Variants in KIF1B observed in about 807,000 individuals in gnomAD.
KIF1B encodes kinesin-like protein KIF1B.
KIF1B carries 76 observed loss-of-function variants against 241.9 expected under a neutral mutation model. The observed-to-expected ratio is 0.31, with a 90% CI of 0.26 to 0.38. The LOEUF (loss-of-function observed/expected upper bound fraction) is 0.38, where lower values mean the gene tolerates loss of function less well. KIF1B is among the 10% of genes least tolerant of loss of function. KIF1B has a pLI of 1.00. For missense variants in KIF1B, 1,622 were observed against 2,271.4 expected, an observed-to-expected ratio of 0.71 and a Z score of 5.81; for synonymous variants, 750 against 796.7, an observed-to-expected ratio of 0.94 and a Z score of 0.99.
rs1569940937 is a variant in KIF1B at position 10,379,191 on chromosome 1, T to A, written c.*2604T>A. ...CTGTGACACAGGACGGTGGGAAGCC[T>A]GAGAGAGAGTGAAATTATGTGATAC... On this transcript the variant is annotated 3_prime_UTR_variant, in exon 49 of 49. Coordinates refer to ENST00000676179, the MANE Select transcript of KIF1B (RefSeq NM_001365951.3). 3.0e-5 allele frequency: 7 copies of A among 232,350 alleles called. No homozygotes were observed. In the East Asian group the frequency reaches 4.3e-4, roughly 14 times the overall value. The allele number at this position is 232,350 out of a possible 1,614,324, so 14.4% of individuals were successfully genotyped here. A position where few individuals can be genotyped will look rare whatever the true frequency, so the allele number is the denominator to read the frequency against.
chr1:10,226,145 T>C (rs574168833), intron 1 of KIF1B, among the ~76,000 whole-genome samples: 12 of 152,238 alleles, frequency 7.9e-5, no homozygotes, highest in African/African-American at 2.6e-4. Context: ...AATGGAGAGA[T>C]TTTATAGATA....
intron 22 of KIF1B, chr1:10,304,640 C>T (rs750347440): frequency 6.2e-7 from 1 of 1,613,752 alleles, no homozygotes; most frequent in Admixed American, 1.7e-5. Flanking sequence ...CGAGAAACCA[C>T]AGTATAAATC....
rs1651671330 is a variant in KIF1B at position 10,324,913 on chromosome 1, T to C, written c.2675+18T>C. 6.2e-7 allele frequency: 1 copy of C among 1,613,764 alleles called. No homozygotes were observed. Among genetic ancestry groups the C allele is most frequent in the South Asian group, 1.1e-5 (1 of 91,068 alleles). On this transcript the variant is annotated intron_variant, in intron 26 of 48. Coordinates refer to ENST00000676179, the MANE Select transcript of KIF1B (RefSeq NM_001365951.3). ...GTGGGGAGGTATGTGATGATTTTGT[T>C]GATGTCTTCTTTTAAAATAATGATT...
intron 22 of KIF1B, among the ~76,000 whole-genome samples, chr1:10,315,387 G>A (rs1254951118): frequency 3.3e-5 from 5 of 150,692 alleles, no homozygotes; most frequent in Admixed American, 6.6e-5. Flanking sequence ...TGTTGGCCAG[G>A]CTGGTCTTGA....
intron 22 of KIF1B, among the ~76,000 whole-genome samples, chr1:10,309,676 C>T (rs1650985857): frequency 6.6e-6 from 1 of 151,542 alleles, no homozygotes; most frequent in African/African-American, 2.5e-5. Flanking sequence ...AGTACCCTAG[C>T]TTGTCTCTTT....
At chr1:10,316,644 G>T (rs911270534) in intron 22 of KIF1B, among the ~76,000 whole-genome samples, 1 of 151,404 alleles carries the variant, frequency 6.6e-6, no homozygotes, top group Non-Finnish European at 1.5e-5. Context: ...GGGACTACAG[G>T]TGTGTGCCAT....
intron 22 of KIF1B, chr1:10,305,009 T>A: frequency 8.9e-7 from 1 of 1,121,012 alleles, no homozygotes; most frequent in Non-Finnish European, 1.1e-6. Context: ...AAGACCTGCC[T>A]CTTAGTTTAT....
intron 26 of KIF1B, 91 bp downstream of exon 26, chr1:10,324,986 GAA>G: frequency 6.9e-7 from 1 of 1,446,154 alleles, no homozygotes; most frequent in Non-Finnish European, 9.6e-7. Context: ...AAGTTAAGAG[GAA>G]AAAAAAAGGT....
In KIF1B at chr1:10,303,342, A is replaced by T. The variant is rs140713521; in HGVS notation, c.2115+6096A>T. On this transcript the variant is annotated intron_variant, in intron 22 of 48. Coordinates refer to ENST00000676179, the MANE Select transcript of KIF1B (RefSeq NM_001365951.3). The surrounding 1 kb of genome is among the most constrained non-coding windows in gnomAD (Gnocchi z 5.2). ...CAATTAAAATGTATCAGATACCCCAAAGAAGGCGCTTGAGTAAAGATTCCA... is the reference window on the plus strand; with the variant it reads ...CAATTAAAATGTATCAGATACCCCATAGAAGGCGCTTGAGTAAAGATTCCA... 7 of 1,614,068 alleles carry T rather than the reference A, an allele frequency of 4.3e-6. No individual in the cohort carries two copies. The African/African-American group carries it at 8.0e-5, about 18-fold the overall frequency.
intron 17 of KIF1B, among the ~76,000 whole-genome samples, chr1:10,293,669 G>A (rs1650121539): frequency 6.6e-6 from 1 of 152,138 alleles, no homozygotes; most frequent in Admixed American, 6.5e-5. Context: ...TGGGATTACA[G>A]GCATGAGCCA....
At chr1:10,371,828 G>A (rs1638741035) in intron 45 of KIF1B, among the ~76,000 whole-genome samples, 1 of 152,168 alleles carries the variant, frequency 6.6e-6, no homozygotes, top group Admixed American at 6.5e-5. Flanking sequence ...AGCTACTCGG[G>A]AGGCTGAAGT....
At chr1:10,286,975 C>T (rs1649746039) in intron 15 of KIF1B, among the ~76,000 whole-genome samples, 2 of 152,138 alleles carry the variant, frequency 1.3e-5, no homozygotes, top group Non-Finnish European at 2.9e-5. Context: ...GCCCTGGACA[C>T]CAGCATGCCT....
intron 32 of KIF1B, 21 bp from the exon 33 acceptor site, chr1:10,342,029 C>T (rs780399512): frequency 2.8e-6 from 4 of 1,436,626 alleles, no homozygotes; most frequent in Non-Finnish European, 3.9e-6. Flanking sequence ...GTAATCTTTT[C>T]CTAATCTTGC....
chr1:10,356,802 A>G (rs749049392), intron 38 of KIF1B, among the ~76,000 whole-genome samples: 1 of 151,960 alleles, frequency 6.6e-6, no homozygotes. Flanking sequence ...CAGGAGGCTG[A>G]GGCAGGAGAA....
rs1194525429 is a variant in KIF1B, at chr1:10,361,000, C to G, written c.4127C>G (p.Pro1376Arg). 2 of 1,613,934 alleles carry G rather than the reference C, an allele frequency of 1.2e-6. No homozygotes were observed. The highest frequency in any genetic ancestry group is 2.7e-5 in the African/African-American group (2 of 74,890). ...HNSLLLNRVT[P>R]YGEKIYMTLS... ...TCCCTTCTTCTGAACCGAGTGACACCCTATGGAGAAAAGATCTACATGACC... is the reference window on the plus strand; with the variant it reads ...TCCCTTCTTCTGAACCGAGTGACACGCTATGGAGAAAAGATCTACATGACC... The change falls in exon 39 of 49, where the codon CCC (proline) becomes CGC (arginine). Residue 1376 changes from proline to arginine, a missense_variant. Physicochemically the swap from Pro to Arg is moderately radical, Grantham distance 103. Transcript: ENST00000676179.
chr1:10,361,578 C>A, intron 39 of KIF1B, 114 bp from the exon 40 acceptor site: 1 of 1,277,714 alleles, frequency 7.8e-7, no homozygotes, highest in Non-Finnish European at 1.1e-6. Flanking sequence ...ATTGGTGGAG[C>A]TAAAATCCTT....
At chr1:10,279,617 C>G (rs964581026) in intron 14 of KIF1B, among the ~76,000 whole-genome samples, 1 of 151,230 alleles carries the variant, frequency 6.6e-6, no homozygotes, top group African/African-American at 2.4e-5. Flanking sequence ...TGGGCTAAGA[C>G]TCATGAGTGC....
At chr1:10,244,153 A>C (rs1310878871) in intron 2 of KIF1B, among the ~76,000 whole-genome samples, 2 of 152,152 alleles carry the variant, frequency 1.3e-5, no homozygotes, top group Non-Finnish European at 2.9e-5. Context: ...GAACTTTATG[A>C]TTATAGATCT....
At chr1:10,322,989 A>G (rs1195344673) in intron 24 of KIF1B, among the ~76,000 whole-genome samples, 2 of 152,180 alleles carry the variant, frequency 1.3e-5, no homozygotes, top group Non-Finnish European at 2.9e-5. Context: ...GCTGGAGTAC[A>G]GTGGCGCAAT....
Sources: gnomAD v4.1 joint callset for allele counts (sites outside exome capture counted in the v4.1 genomes callset) on GRCh38, gnomAD v4.1.1 for gene constraint, Gnocchi (gnomAD v3.1) non-coding constraint, MANE v1.5 for transcripts, NCBI Gene and HGNC (gene_info 2026-07-23, HGNC 2026-07-21) for gene names.